RYR3: variants seen among roughly 807,000 people sequenced by gnomAD.
RYR3 encodes ryanodine receptor 3.
RYR3 carries 207 observed loss-of-function variants against 584.3 expected under a neutral mutation model. That is an observed-to-expected ratio of 0.35 (90% CI 0.32 to 0.40). The LOEUF (loss-of-function observed/expected upper bound fraction) is 0.40, where lower values mean the gene tolerates loss of function less well. Among genes scored for constraint, RYR3 ranks in the 10% least tolerant of loss-of-function variants. The pLI, the probability that RYR3 is intolerant of heterozygous loss-of-function variation, is 1.00. For synonymous variants in RYR3, 2,416 were observed against 2,248.5 expected (o/e 1.07, Z -2.11); for missense variants, 5,616 against 6,089.2 (o/e 0.92, Z 2.59).
intron 98 of RYR3, among the ~76,000 whole-genome samples, chr15:33,857,558 A>G (rs1351318536): frequency 6.6e-6 from 1 of 151,692 alleles, no homozygotes; most frequent in East Asian, 1.9e-4. Flanking sequence ...ACACCCCATC[A>G]TTACTCTTTT....
intron 38 of RYR3, among the ~76,000 whole-genome samples, chr15:33,671,764 G>A (rs138218886): frequency 1.1e-3 from 169 of 148,390 alleles, no homozygotes; most frequent in Non-Finnish European, 1.9e-3. Flanking sequence ...CCTGCTGAGA[G>A]TCTCTTTTGA....
intron 47 of RYR3, among the ~76,000 whole-genome samples, 152 bp downstream of exon 47, chr15:33,729,178 G>A (rs1420063642): frequency 6.6e-6 from 1 of 152,156 alleles, no homozygotes; most frequent in Non-Finnish European, 1.5e-5. Flanking sequence ...TGAAATGGAA[G>A]ATCTTAATTT....
intron 16 of RYR3, among the ~76,000 whole-genome samples, chr15:33,590,206 C>T (rs987536719): frequency 6.6e-6 from 1 of 152,124 alleles, no homozygotes; most frequent in African/African-American, 2.4e-5. Flanking sequence ...GGAATGTCAT[C>T]GGTTAAGGCA....
rs1288744784 is a variant in RYR3 at position 33,412,146 on chromosome 15, ATAT to A, written c.52-61269_52-61267del. Among the ~76,000 whole-genome samples the A allele has an allele frequency of 3.3e-5, 5 of 152,210 alleles. No homozygotes were observed. Among genetic ancestry groups the A allele is most frequent in the African/African-American group, 9.7e-5 (4 of 41,450 alleles). On this transcript the variant is annotated intron_variant, in intron 1 of 103. Coordinates refer to ENST00000634891, the MANE Select transcript of RYR3 (RefSeq NM_001036.6). The surrounding 1 kb of genome is among the most constrained non-coding windows in gnomAD (Gnocchi z 4.3). ...TACTTAGGCGAGTAAGAGATTATAA[ATAT>A]TATCATTGAAATGAGGTAGGCTTAT...
intron 1 of RYR3, among the ~76,000 whole-genome samples, chr15:33,378,225 T>TCCC (rs1279650240): frequency 6.6e-6 from 1 of 152,240 alleles, no homozygotes; most frequent in Non-Finnish European, 1.5e-5. Context: ...GGGGAGCCAG[T>TCCC]CCAGCCCACC....
chr15:33,649,122 C>G lies in RYR3; in HGVS notation c.4029C>G (p.Val1343=). Residue 1343 remains valine, a synonymous_variant, in exon 31 of 104, where the codon GTC becomes GTG. Transcript: ENST00000634891. The part of the protein sequence containing the change: ...RIFAGQDPSC[V]WVGWVTPDYH... ...TTGCTGGACAGGATCCATCCTGTGT[C>G]TGGGTCGGATGGGTGACTCCAGACT... 1 of 1,613,816 alleles carries G rather than the reference C, an allele frequency of 6.2e-7. No homozygotes were observed. Among genetic ancestry groups the G allele is most frequent in the Non-Finnish European group, 8.5e-7 (1 of 1,179,852 alleles).
chr15:33,605,422 C>T (rs1406180663), intron 18 of RYR3, among the ~76,000 whole-genome samples: 3 of 152,218 alleles, frequency 2.0e-5, no homozygotes, highest in African/African-American at 7.2e-5. Context: ...TGCCGAACAT[C>T]ACTAGCAGTG....
chr15:33,833,282 T>C (rs4780183), intron 86 of RYR3, among the ~76,000 whole-genome samples: 64,335 of 151,950 alleles, frequency 0.42, 13,947 homozygotes, highest in South Asian at 0.63. Flanking sequence ...AGTCCAAGAG[T>C]TTTTAGTGAC....
chr15:33,669,701 AGGGT>A, intron 37 of RYR3, among the ~76,000 whole-genome samples: 1 of 152,320 alleles, frequency 6.6e-6, no homozygotes, highest in South Asian at 2.1e-4. Flanking sequence ...GAGAGGAAAC[AGGGT>A]TTCTAGCAAA....
intron 18 of RYR3, among the ~76,000 whole-genome samples, chr15:33,605,416 G>A (rs776600678): frequency 6.6e-6 from 1 of 152,172 alleles, no homozygotes; most frequent in Non-Finnish European, 1.5e-5. Flanking sequence ...GGCTCATGCC[G>A]AACATCACTA....
chr15:33,838,100 G>T lies in RYR3; in HGVS notation c.12120G>T (p.Lys4040Asn), dbSNP rs368427050. The T allele has an allele frequency of 3.1e-6, 5 of 1,613,832 alleles. No individual in the cohort carries two copies. In the African/African-American group the frequency reaches 6.7e-5, roughly 22 times the overall value. ...GRIEIMGGAK[K>N]IERVYFEISE... ...TCGAGATCATGGGTGGGGCCAAGAA[G>T]ATTGAGCGTGTTTATTTTGAGATCA... Residue 4040 changes from lysine to asparagine, a missense_variant, in exon 89 of 104, where the codon AAG becomes AAT. Physicochemically the swap from Lys to Asn is moderately conservative, Grantham distance 94. Transcript: ENST00000634891.
chr15:33,371,428 A>G (rs1015511804), intron 1 of RYR3, among the ~76,000 whole-genome samples: 2 of 152,228 alleles, frequency 1.3e-5, no homozygotes, highest in Non-Finnish European at 2.9e-5. Flanking sequence ...ACAAGTGACA[A>G]TGTGATGGCT....
chr15:33,822,354 G>A lies in RYR3; in HGVS notation c.10996-642G>A, dbSNP rs571269000. 2.6e-5 allele frequency among the ~76,000 whole-genome samples: 4 copies of A among 152,238 alleles called. No homozygotes were observed. The East Asian group carries it at 7.7e-4, about 29-fold the overall frequency. ...GCATTCATAAGGGTTATATCCCAGG[G>A]CCTGTGAGAGTCTCCAGATTCACAA... On this transcript the variant is annotated intron_variant, in intron 80 of 103. Coordinates refer to ENST00000634891, the MANE Select transcript of RYR3 (RefSeq NM_001036.6).
At position 33,333,886 on chromosome 15, in the gene RYR3, T is replaced by C. The variant is rs1970655031; in HGVS notation, c.51+22790T>C. Among the ~76,000 whole-genome samples, 3 of 152,260 alleles carry C rather than the reference T, an allele frequency of 2.0e-5. No individual in the cohort carries two copies. The South Asian group carries it at 6.2e-4, about 32-fold the overall frequency. On this transcript the variant is annotated intron_variant, in intron 1 of 103. Coordinates refer to ENST00000634891, the MANE Select transcript of RYR3 (RefSeq NM_001036.6). ...ATCAATGTGCAAAAATTGCTAATAT[T>C]CTTCTACACTAACAACAGTCTAGCC...
chr15:33,431,033 G>A (rs1458983438), intron 1 of RYR3, among the ~76,000 whole-genome samples: 2 of 152,210 alleles, frequency 1.3e-5, no homozygotes, highest in Non-Finnish European at 2.9e-5. Context: ...TTGTCAAAGT[G>A]AATTGCTCTA....
At chr15:33,658,313 C>T (rs565252511) in intron 32 of RYR3, among the ~76,000 whole-genome samples, 4 of 152,246 alleles carry the variant, frequency 2.6e-5, no homozygotes, top group Non-Finnish European at 5.9e-5. Flanking sequence ...CCACTCTCCC[C>T]GCCTTCCGCC....
chr15:33,624,061 A>T, intron 20 of RYR3, 38 bp downstream of exon 20: 1 of 1,347,338 alleles, frequency 7.4e-7, no homozygotes, highest in Non-Finnish European at 1.1e-6. Context: ...ACCAATATAG[A>T]TGAAGCAATA....
chr15:33,625,849 T>C (rs2060956679), intron 20 of RYR3, among the ~76,000 whole-genome samples: 1 of 152,128 alleles, frequency 6.6e-6, no homozygotes, highest in South Asian at 2.1e-4. Context: ...GGAAAAAAAT[T>C]GTTGAATTCT....
At chr15:33,383,489 G>A (rs1335211473) in intron 1 of RYR3, among the ~76,000 whole-genome samples, 1 of 151,684 alleles carries the variant, frequency 6.6e-6, no homozygotes, top group Non-Finnish European at 1.5e-5. Flanking sequence ...TTTTCATGGG[G>A]TCCACAATAC....
Sources: allele counts gnomAD v4.1 joint callset (sites outside exome capture counted in the v4.1 genomes callset), GRCh38; gene constraint gnomAD v4.1.1; non-coding constraint Gnocchi (gnomAD v3.1); transcripts MANE v1.5; gene names NCBI Gene and HGNC (gene_info 2026-07-23, HGNC 2026-07-21).